CNGB3: variants seen among roughly 807,000 people sequenced by gnomAD.
CNGB3 encodes cyclic nucleotide-gated channel beta-3.
In CNGB3, 86 loss-of-function variants were observed where a neutral mutation model predicts 92.8. That is an observed-to-expected ratio of 0.93 (90% CI 0.78 to 1.11). The LOEUF is 1.11. Ranked by LOEUF, CNGB3 falls within the 50% of genes least tolerant of loss-of-function variation. The probability of loss-of-function intolerance (pLI) is 0.00; values close to 1 mark genes in which losing one functional copy is unlikely to be tolerated. For missense variants in CNGB3, 1,026 were observed against 956.8 expected (o/e 1.07, Z -0.95); for synonymous variants, 333 against 332.7 (o/e 1.00, Z -0.01).
In CNGB3 at chr8:86,626,069, A is replaced by T. The variant is rs115246141; in HGVS notation, c.1492T>A (p.Leu498Met). ...ACCGTAGTTGGTAGGGTCTTAAGCA[A>T]ATCAGACTCATCTTTATAAAGATAA... ...DSQRMLDESD[L>M]LKTLPTTVQL... The change falls in exon 13 of 18, where the codon TTG becomes ATG. Residue 498 changes from leucine to methionine, a missense_variant. Transcript: ENST00000320005. 931 of 1,611,844 alleles carry T rather than the reference A, an allele frequency of 5.8e-4. 4 individuals are homozygous for T. In the African/African-American group the frequency reaches 0.011, roughly 18 times the overall value.
At chr8:86,603,973 G>T in intron 15 of CNGB3, 120 bp downstream of exon 15, 5 of 715,084 alleles carry the variant, frequency 7.0e-6, no homozygotes, top group South Asian at 1.6e-5. Context: ...CTTATTTTAC[G>T]AATGCTCTCA....
intron 15 of CNGB3, among the ~76,000 whole-genome samples, chr8:86,598,637 C>G (rs1243980647): frequency 1.3e-5 from 2 of 152,150 alleles, no homozygotes; most frequent in Non-Finnish European, 2.9e-5. Context: ...AAAATCTTTT[C>G]TTGCCTCTTC....
intron 3 of CNGB3, among the ~76,000 whole-genome samples, chr8:86,675,508 T>C (rs1168752314): frequency 6.6e-6 from 1 of 152,144 alleles, no homozygotes; most frequent in Non-Finnish European, 1.5e-5. Context: ...CATAAACTCC[T>C]GAGCTCAAGC....
intron 3 of CNGB3, among the ~76,000 whole-genome samples, chr8:86,674,909 A>G (rs1823936020): frequency 6.6e-6 from 1 of 150,920 alleles, no homozygotes; most frequent in Admixed American, 6.6e-5. Context: ...GTGCAACACC[A>G]CACCTGTCTA....
chr8:86,583,029 G>GGGTTCAAGTGATTCTCCTGCC (rs1554605260), intron 15 of CNGB3, among the ~76,000 whole-genome samples: 2 of 10,772 alleles, frequency 1.9e-4, no homozygotes, highest in Admixed American at 1.0e-3. Flanking sequence ...TCTGCTTCCT[G>GGGTTCAAGTGATTCTCCTGCC]TAGCTGGGAT....
chr8:86,605,917 T>C (rs1323793827), intron 14 of CNGB3, among the ~76,000 whole-genome samples: 1 of 152,182 alleles, frequency 6.6e-6, no homozygotes, highest in Non-Finnish European at 1.5e-5. Context: ...ATTCTTATTT[T>C]ATCTCCCCAT....
intron 13 of CNGB3, among the ~76,000 whole-genome samples, chr8:86,614,061 ATTC>A (rs1449011964): frequency 4.6e-5 from 7 of 151,584 alleles, no homozygotes; most frequent in African/African-American, 1.7e-4. Context: ...TGTATAGTAA[ATTC>A]TTATAATTTT....
chr8:86,578,995 A>G lies in CNGB3; in HGVS notation c.1928+111T>C, dbSNP rs1362140504. ...CTACATTAATAGTTGTTCATTAAGC[A>G]TATCTCACTGTGATCAAGTTTATCA... is the stretch of plus-strand genomic sequence containing the variant. On this transcript the variant is annotated intron_variant, in intron 16 of 17. Transcript: ENST00000320005. The G allele has an allele frequency of 6.5e-6, 10 of 1,543,682 alleles. No homozygotes were observed. The Admixed American group carries it at 1.2e-4, about 18-fold the overall frequency.
At position 86,628,944 on chromosome 8, in the gene CNGB3, A is replaced by T. The variant is rs1159974308; in HGVS notation, c.1455T>A (p.Tyr485Ter). The T allele has an allele frequency of 6.2e-7, 1 of 1,613,780 alleles. No individual in the cohort carries two copies. Among genetic ancestry groups the T allele is most frequent in the African/African-American group, 1.3e-5 (1 of 74,892 alleles). Reference sequence around the variant, plus strand: ...CTAGCATTCTTTGAGAGTCCCATGTATATTCATACCAAGTCCGAACTCGCT... The same window carrying T: ...CTAGCATTCTTTGAGAGTCCCATGTTTATTCATACCAAGTCCGAACTCGCT... ...VQKRVRTWYE[Y>*]TWDSQRMLDE... The change falls in exon 12 of 18, where the codon TAT (tyrosine) becomes TAA (stop). Residue 485 changes from tyrosine (Y) to a stop codon, truncating the protein, a stop_gained. Transcript: ENST00000320005. LOFTEE classifies it high-confidence loss of function.
At chr8:86,644,224 A>T (rs556144704) in intron 9 of CNGB3, among the ~76,000 whole-genome samples, 1 of 151,434 alleles carries the variant, frequency 6.6e-6, no homozygotes, top group Non-Finnish European at 1.5e-5. Context: ...TGAAAAGCTC[A>T]TGAGACTTTA....
intron 13 of CNGB3, among the ~76,000 whole-genome samples, chr8:86,613,582 A>C (rs1416432721): frequency 6.6e-6 from 1 of 152,100 alleles, no homozygotes; most frequent in Non-Finnish European, 1.5e-5. Context: ...AATGAAGGTA[A>C]CTCTCAGTCA....
intron 10 of CNGB3, among the ~76,000 whole-genome samples, chr8:86,641,788 A>G (rs1385814265): frequency 2.0e-5 from 3 of 151,912 alleles, no homozygotes; most frequent in Non-Finnish European, 2.9e-5. Context: ...GAACTCAGCA[A>G]TCACTGAAAA....
intron 13 of CNGB3, among the ~76,000 whole-genome samples, chr8:86,619,227 G>A (rs1008752435): frequency 1.3e-4 from 20 of 152,102 alleles, no homozygotes; most frequent in Admixed American, 7.2e-4. Context: ...TCCCGTTTCT[G>A]GTAATGCAGT....
chr8:86,657,455 C>G lies in CNGB3; in HGVS notation c.853-3393G>C, dbSNP rs202080812. ...TGGAATGCAGGGGTTGCTGCCCAAG[C>G]CTGGGTGCTCCTGGGGGTTCTGCAT... is the stretch of plus-strand genomic sequence containing the variant. On this transcript the variant is annotated intron_variant, in intron 6 of 17. Coordinates refer to ENST00000320005, the MANE Select transcript of CNGB3 (RefSeq NM_019098.5). 45 of 516,554 alleles carry G rather than the reference C, an allele frequency of 8.7e-5. No homozygotes were observed. The East Asian group carries it at 1.6e-3, about 19-fold the overall frequency. 32.0% of individuals were successfully genotyped at this position (516,554 alleles called of 1,614,324 possible). A position where few individuals can be genotyped will look rare whatever the true frequency, so the allele number is the denominator to read the frequency against.
rs2131684025 is a variant in CNGB3 at position 86,739,753 on chromosome 8, A to G, written c.130-17T>C. 1 of 1,612,642 alleles carries G rather than the reference A, an allele frequency of 6.2e-7. No homozygotes were observed. On this transcript the variant is annotated splice_polypyrimidine_tract_variant and intron_variant, in intron 1 of 17. Transcript: ENST00000320005. ...GTTTTCTTCCTTTGAGAAAAAACATAGAGATTGTATGTGATGAATTTACAT... is the reference window on the plus strand; with the variant it reads ...GTTTTCTTCCTTTGAGAAAAAACATGGAGATTGTATGTGATGAATTTACAT...
intron 14 of CNGB3, among the ~76,000 whole-genome samples, chr8:86,607,489 C>T (rs1322465704): frequency 3.3e-5 from 5 of 152,160 alleles, no homozygotes; most frequent in Non-Finnish European, 7.3e-5. Context: ...CTTTATGACA[C>T]TCAAGGGCAC....
intron 10 of CNGB3, among the ~76,000 whole-genome samples, chr8:86,639,107 C>T (rs1366398400): frequency 3.9e-5 from 6 of 151,902 alleles, no homozygotes; most frequent in Admixed American, 3.9e-4. Context: ...ATTCTGATTC[C>T]TTCCTTACAT....
At chr8:86,635,871 C>CAT (rs1823062074) in intron 10 of CNGB3, among the ~76,000 whole-genome samples, 13 of 96,668 alleles carry the variant, frequency 1.3e-4, no homozygotes, top group African/African-American at 4.4e-4. Context: ...TATACACATA[C>CAT]ACATATACTT....
intron 10 of CNGB3, among the ~76,000 whole-genome samples, chr8:86,638,704 C>T (rs1043742220): frequency 1.3e-5 from 2 of 152,074 alleles, no homozygotes; most frequent in African/African-American, 4.8e-5. Flanking sequence ...CCTAGACTTA[C>T]TGAAATGAGA....
Sources: allele counts gnomAD v4.1 joint callset (sites outside exome capture counted in the v4.1 genomes callset), GRCh38; gene constraint gnomAD v4.1.1; transcripts MANE v1.5; gene names NCBI Gene and HGNC (gene_info 2026-07-23, HGNC 2026-07-21).